COL17A1: variants seen among roughly 807,000 people sequenced by gnomAD.
COL17A1 encodes the protein collagen type XVII alpha 1 chain, also known as collagen alpha-1(XVII) chain.
A neutral mutation model predicts 218.4 loss-of-function variants in COL17A1; 181 were observed. The observed-to-expected ratio is 0.83, with a 90% CI of 0.73 to 0.94. COL17A1 has a LOEUF of 0.94. Ranked by LOEUF, COL17A1 falls within the 40% of genes least tolerant of loss-of-function variation. COL17A1 has a pLI of 0.00. For synonymous variants in COL17A1, 721 were observed against 731.0 expected (o/e 0.99, Z 0.22); for missense variants, 1,924 against 1,945.9 (o/e 0.99, Z 0.21).
At chr10:104,065,211 T>C (rs2086617081) in intron 9 of COL17A1, among the ~76,000 whole-genome samples, 1 of 152,210 alleles carries the variant, frequency 6.6e-6, no homozygotes, top group East Asian at 1.9e-4. Flanking sequence ...TATTTGTCTG[T>C]GAGAGGGAGC....
intron 39 of COL17A1, 70 bp from the exon 40 acceptor site, chr10:104,040,480 C>CTATGT: frequency 1.0e-6 from 1 of 988,530 alleles, no homozygotes. Context: ...TGCACAGCAC[C>CTATGT]TGACAACATA....
In COL17A1 at chr10:104,053,105, T is replaced by C. The variant is rs1487938668; in HGVS notation, c.1865A>G (p.Gln622Arg). Reference sequence around the variant, plus strand: ...TCCCATGGGGCCTTCTCGCCCTCTCTGGCCCATGGGGCCTTCCATGCCAGG... The same window carrying C: ...TCCCATGGGGCCTTCTCGCCCTCTCCGGCCCATGGGGCCTTCCATGCCAGG... ...GDPGMEGPMGQRGREGPMGPR... is the reference protein window; with the variant it reads ...GDPGMEGPMGRRGREGPMGPR... The change falls in exon 23 of 56, where the codon CAG becomes CGG. Residue 622 changes from glutamine (Q) to arginine (R), a missense_variant. Transcript: ENST00000648076. 2.5e-6 allele frequency: 4 copies of C among 1,613,648 alleles called. No homozygotes were observed. Among genetic ancestry groups the C allele is most frequent in the Non-Finnish European group, 3.4e-6 (4 of 1,180,024 alleles).
Position 104,053,984 on chromosome 10 carries a change from T to G in COL17A1, c.1772-2A>C. The G allele has an allele frequency of 6.2e-7, 1 of 1,612,586 alleles. No individual in the cohort carries two copies. Among genetic ancestry groups the G allele is most frequent in the Non-Finnish European group, 8.5e-7 (1 of 1,178,530 alleles). On this transcript the variant is annotated splice_acceptor_variant, in intron 21 of 55. Coordinates refer to ENST00000648076, the MANE Select transcript of COL17A1 (RefSeq NM_000494.4). LOFTEE classifies it high-confidence loss of function. Reference sequence around the variant, plus strand: ...GGTGGCCCAAGGGCCCAGGGATACCTGTGAACACACAAGGATATCTCAGCC... The same window carrying G: ...GGTGGCCCAAGGGCCCAGGGATACCGGTGAACACACAAGGATATCTCAGCC...
At chr10:104,043,185 G>A (rs1247013361) in intron 35 of COL17A1, among the ~76,000 whole-genome samples, 1 of 152,196 alleles carries the variant, frequency 6.6e-6, no homozygotes, top group African/African-American at 2.4e-5. Context: ...TCTGGAGGTA[G>A]ACTGATCTGG....
At position 104,070,565 on chromosome 10, in the gene COL17A1, T is replaced by C; in HGVS notation, c.468A>G (p.Thr156=). The part of the protein sequence containing the change: ...LQSASPSTRW[T]ELDDVKRLLK... The stretch of plus-strand genomic sequence containing the variant: ...GCAAACGCTTAACATCATCCAATTC[T>C]GTCCCTGTGAAAGAATCCACAGACG... Residue 156 remains threonine, a synonymous_variant, in exon 9 of 56, where the codon ACA becomes ACG. Transcript: ENST00000648076. 1 of 1,614,230 alleles carries C rather than the reference T, an allele frequency of 6.2e-7. No homozygotes were observed. The highest frequency in any genetic ancestry group is 8.5e-7 in the Non-Finnish European group (1 of 1,180,038).
At chr10:104,076,769 T>A (rs546504400) in intron 4 of COL17A1, among the ~76,000 whole-genome samples, 9 of 152,340 alleles carry the variant, frequency 5.9e-5, no homozygotes, top group African/African-American at 2.2e-4. Flanking sequence ...AACCTGGCTG[T>A]TCTAATGTCT....
chr10:104,049,604 AC>A, intron 28 of COL17A1, 133 bp from the exon 29 acceptor site: 1 of 886,210 alleles, frequency 1.1e-6, no homozygotes, highest in Non-Finnish European at 1.8e-6. Context: ...GCCACTTGGA[AC>A]CCCTGGGAAG....
rs985237911 is a variant in COL17A1 at position 104,032,140 on chromosome 10, T to C, written c.*95A>G. ...TTGGCTGTGCTGTCTCAGTAGGACA[T>C]TGACAGACTCCAGCTTTCACCCTCT... On this transcript the variant is annotated 3_prime_UTR_variant, in exon 56 of 56. Coordinates refer to ENST00000648076, the MANE Select transcript of COL17A1 (RefSeq NM_000494.4). 8 of 958,074 alleles carry C rather than the reference T, an allele frequency of 8.4e-6. No homozygotes were observed. Among genetic ancestry groups the C allele is most frequent in the Admixed American group, 1.8e-5 (1 of 56,186 alleles). 59.3% of individuals were successfully genotyped at this position (958,074 alleles called of 1,614,324 possible).
At chr10:104,037,869 C>A in intron 45 of COL17A1, 96 bp from the exon 46 acceptor site, 2 of 1,480,914 alleles carry the variant, frequency 1.4e-6, no homozygotes. Flanking sequence ...ATGCCTGCCC[C>A]GCCCCACACA....
At chr10:104,074,640 C>T (rs531028751) in intron 5 of COL17A1, among the ~76,000 whole-genome samples, 2 of 152,296 alleles carry the variant, frequency 1.3e-5, no homozygotes, top group South Asian at 4.1e-4. Flanking sequence ...AAACGTGGAC[C>T]CAGTTAAAAT....
In COL17A1 at chr10:104,040,346, C is replaced by T. The variant is rs1217013455; in HGVS notation, c.2761+5G>A. 6.2e-7 allele frequency: 1 copy of T among 1,600,668 alleles called. No individual in the cohort carries two copies. Among genetic ancestry groups the T allele is most frequent in the Non-Finnish European group, 8.6e-7 (1 of 1,167,718 alleles). ...CTTCTGGGTTCCCTGATACACTGTT[C>T]TCACCTTGGTCTCCCTTGGGACCTG... On this transcript the variant is annotated splice_donor_5th_base_variant and intron_variant, in intron 40 of 55. Transcript: ENST00000648076.
rs753171400 is a variant in COL17A1 at position 104,061,412 on chromosome 10, G to A, written c.972C>T (p.Thr324=). 11 of 1,613,474 alleles carry A rather than the reference G, an allele frequency of 6.8e-6. No homozygotes were observed. The highest frequency in any genetic ancestry group is 9.3e-6 in the Non-Finnish European group (11 of 1,179,924). The stretch of plus-strand genomic sequence containing the variant: ...GCTGGGAGCAGCACTCACCGGCGGA[G>A]GTGGAAACGCCAGTGTTCACAGCCG... ...SPAAVNTGVS[T]SAACTTSVQS... Residue 324 remains threonine, a synonymous_variant, in exon 13 of 56, where the codon ACC becomes ACT. Coordinates refer to ENST00000648076, the MANE Select transcript of COL17A1 (RefSeq NM_000494.4).
intron 8 of COL17A1, among the ~76,000 whole-genome samples, chr10:104,070,786 G>A (rs372680931): frequency 2.0e-5 from 3 of 152,268 alleles, no homozygotes; most frequent in African/African-American, 7.2e-5. Flanking sequence ...AAAATCTTCT[G>A]CGTCTCACAA....
intron 47 of COL17A1, 21 bp downstream of exon 47, chr10:104,037,024 A>T: frequency 6.3e-7 from 1 of 1,594,564 alleles, no homozygotes; most frequent in Non-Finnish European, 8.5e-7. Flanking sequence ...CCCACCCTCG[A>T]TCCCCCCACA....
chr10:104,053,602 G>T (rs945074533), intron 22 of COL17A1, among the ~76,000 whole-genome samples: 2 of 151,390 alleles, frequency 1.3e-5, no homozygotes, highest in Non-Finnish European at 2.9e-5. Flanking sequence ...TCAAATGGTG[G>T]CCTCTCAGGG....
intron 45 of COL17A1, among the ~76,000 whole-genome samples, chr10:104,038,064 G>A (rs1210041563): frequency 6.6e-6 from 1 of 152,218 alleles, no homozygotes; most frequent in Non-Finnish European, 1.5e-5. Context: ...TGGTGTGAAA[G>A]CATGTGCGTG....
At chr10:104,041,967 G>A (rs1204831678) in intron 36 of COL17A1, among the ~76,000 whole-genome samples, 1 of 152,188 alleles carries the variant, frequency 6.6e-6, no homozygotes, top group African/African-American at 2.4e-5. Context: ...TGAAGACCAA[G>A]CTCCTAACAC....
intron 8 of COL17A1, 70 bp from the exon 9 acceptor site, chr10:104,070,639 G>A (rs2086661813): frequency 1.2e-6 from 2 of 1,612,354 alleles, no homozygotes; most frequent in Non-Finnish European, 1.7e-6. Flanking sequence ...CAACTGGGGG[G>A]AACATTTGTG....
chr10:104,047,921 T>G (rs901646952), intron 30 of COL17A1, 111 bp from the exon 31 acceptor site: 2 of 1,370,482 alleles, frequency 1.5e-6, no homozygotes, highest in Non-Finnish European at 1.0e-6. Context: ...TGCTGGCAGG[T>G]GGAAAGGAGA....
Sources: gnomAD v4.1 joint callset for allele counts (sites outside exome capture counted in the v4.1 genomes callset) on GRCh38, gnomAD v4.1.1 for gene constraint, MANE v1.5 for transcripts, NCBI Gene and HGNC (gene_info 2026-07-23, HGNC 2026-07-21) for gene names.